Variants in AKAP6 observed in about 807,000 individuals in gnomAD.
The protein encoded by AKAP6 is A-kinase anchoring protein 6.
AKAP6 carries 58 observed loss-of-function variants against 188.5 expected under a neutral mutation model. The observed-to-expected ratio is 0.31, with a 90% CI of 0.25 to 0.38. The LOEUF (loss-of-function observed/expected upper bound fraction) is 0.38, where lower values mean the gene tolerates loss of function less well. Among genes scored for constraint, AKAP6 ranks in the 10% least tolerant of loss-of-function variants. The pLI is 1.00. For synonymous variants in AKAP6, 989 were observed against 998.6 expected, an observed-to-expected ratio of 0.99 and a Z score of 0.18; for missense variants, 2,710 against 2,740.0, an observed-to-expected ratio of 0.99 and a Z score of 0.24.
intron 11 of AKAP6, among the ~76,000 whole-genome samples, chr14:32,759,639 C>T (rs572066643): frequency 6.6e-6 from 1 of 152,264 alleles, no homozygotes; most frequent in Admixed American, 6.5e-5. Flanking sequence ...ATGGTGCTGT[C>T]ATCTGCTCAG....
intron 1 of AKAP6, among the ~76,000 whole-genome samples, chr14:32,414,561 C>T (rs1889595548): frequency 6.6e-6 from 1 of 152,138 alleles, no homozygotes; most frequent in Non-Finnish European, 1.5e-5. Context: ...CATCGGAGCT[C>T]ACCTTATGAA....
Position 32,746,520 on chromosome 14 carries a change from G to A in AKAP6, c.3372+10638G>A, listed in dbSNP as rs532781989. Reference sequence around the variant, plus strand: ...AAAATTTTGACTGCTGCCCTATCCTGCTGTGGTTGAGCTGGTATCTGAGAT... The same window carrying A: ...AAAATTTTGACTGCTGCCCTATCCTACTGTGGTTGAGCTGGTATCTGAGAT... On this transcript the variant is annotated intron_variant, in intron 11 of 13. Coordinates refer to ENST00000280979, the MANE Select transcript of AKAP6 (RefSeq NM_004274.5). Among the ~76,000 whole-genome samples, 35 of 152,232 alleles carry A rather than the reference G, an allele frequency of 2.3e-4. No homozygotes were observed. The South Asian group carries it at 2.7e-3, about 12-fold the overall frequency.
intron 1 of AKAP6, among the ~76,000 whole-genome samples, chr14:32,382,053 T>G (rs1888379943): frequency 6.6e-6 from 1 of 152,240 alleles, no homozygotes; most frequent in Admixed American, 6.5e-5. Context: ...CTCAGTAATC[T>G]TATCTGTGAA....
intron 11 of AKAP6, among the ~76,000 whole-genome samples, chr14:32,752,129 G>A (rs2032162370): frequency 1.3e-5 from 2 of 152,096 alleles, no homozygotes; most frequent in Admixed American, 1.3e-4. Flanking sequence ...TTCAGTCTGA[G>A]ACAAAAACCA....
At chr14:32,803,273 G>A (rs1199781021) in intron 12 of AKAP6, among the ~76,000 whole-genome samples, 13 of 134,804 alleles carry the variant, frequency 9.6e-5, no homozygotes, top group Middle Eastern at 7.4e-3. Context: ...GGGAAACCCC[G>A]TCTCTATAAA....
chr14:32,434,360 T>TA (rs796829177), intron 2 of AKAP6, among the ~76,000 whole-genome samples: 10 of 151,622 alleles, frequency 6.6e-5, no homozygotes, highest in Middle Eastern at 3.4e-3. Context: ...TTCAGACATT[T>TA]AAAAAAAAAG....
chr14:32,567,012 T>C (rs2139227273), intron 4 of AKAP6, among the ~76,000 whole-genome samples: 1 of 152,242 alleles, frequency 6.6e-6, no homozygotes, highest in East Asian at 1.9e-4. Context: ...AGCCTGGAAC[T>C]CCTGGGCTCA....
rs1163441201 is a variant in AKAP6 at position 32,351,525 on chromosome 14, C to T, written c.-35+22117C>T. On this transcript the variant is annotated intron_variant, in intron 1 of 13. Coordinates refer to ENST00000280979, the MANE Select transcript of AKAP6 (RefSeq NM_004274.5). ...TGTAGTGAGTCGAGATTGCACACCA[C>T]TGCACAGCCTGGATGAGACAGAGCA... Among the ~76,000 whole-genome samples, 3 of 149,740 alleles carry T rather than the reference C, an allele frequency of 2.0e-5. No individual in the cohort carries two copies. The East Asian group carries it at 5.9e-4, about 30-fold the overall frequency.
intron 2 of AKAP6, among the ~76,000 whole-genome samples, chr14:32,521,821 G>A (rs1173917558): frequency 6.6e-6 from 1 of 152,068 alleles, no homozygotes; most frequent in Admixed American, 6.6e-5. Context: ...TTTCTTCACA[G>A]AATTGGAAAA....
intron 2 of AKAP6, among the ~76,000 whole-genome samples, chr14:32,489,837 C>T (rs1879906194): frequency 6.6e-6 from 1 of 152,188 alleles, no homozygotes; most frequent in Non-Finnish European, 1.5e-5. Context: ...TTTTGTGTCT[C>T]ACGTGTCCGT....
At chr14:32,463,392 C>G (rs1891418713) in intron 2 of AKAP6, among the ~76,000 whole-genome samples, 1 of 152,166 alleles carries the variant, frequency 6.6e-6, no homozygotes, top group Non-Finnish European at 1.5e-5. Context: ...GAAATCATAA[C>G]AAACAGTCTC....
At chr14:32,705,817 C>T (rs766667510) in intron 9 of AKAP6, among the ~76,000 whole-genome samples, 1 of 152,144 alleles carries the variant, frequency 6.6e-6, no homozygotes, top group Non-Finnish European at 1.5e-5. Context: ...GCATTGTCCT[C>T]ACTCTTAGAC....
intron 12 of AKAP6, among the ~76,000 whole-genome samples, chr14:32,815,368 A>G (rs1244240417): frequency 6.6e-6 from 1 of 152,206 alleles, no homozygotes; most frequent in Non-Finnish European, 1.5e-5. Context: ...AATCTGATAG[A>G]TAGTGAGCAG....
intron 7 of AKAP6, among the ~76,000 whole-genome samples, chr14:32,648,255 A>G (rs1270146032): frequency 1.3e-5 from 2 of 152,152 alleles, no homozygotes; most frequent in African/African-American, 2.4e-5. Context: ...TAAAAATTAC[A>G]ATAAAAATAT....
chr14:32,755,685 A>G (rs2032305931), intron 11 of AKAP6, among the ~76,000 whole-genome samples: 1 of 151,964 alleles, frequency 6.6e-6, no homozygotes, highest in African/African-American at 2.4e-5. Flanking sequence ...ATACCACCAC[A>G]CCCAGCAACT....
chr14:32,666,199 A>G (rs181032177), intron 7 of AKAP6, among the ~76,000 whole-genome samples: 94 of 152,270 alleles, frequency 6.2e-4, no homozygotes, highest in Admixed American at 1.0e-3. Flanking sequence ...AATATCTATT[A>G]TAAGTTTTAA....
At chr14:32,786,298 C>G (rs1964829) in intron 12 of AKAP6, among the ~76,000 whole-genome samples, 5,471 of 81,906 alleles carry the variant, frequency 0.067, 440 homozygotes, top group African/African-American at 0.13. Context: ...AAACCTTTAT[C>G]TTTTTTTTTT....
At position 32,644,679 on chromosome 14, in the gene AKAP6, G is replaced by A. The variant is rs77100295; in HGVS notation, c.2731-33632G>A. On this transcript the variant is annotated intron_variant, in intron 7 of 13. Coordinates refer to ENST00000280979, the MANE Select transcript of AKAP6 (RefSeq NM_004274.5). ...GACCAACATTTTTTTTAATCCCTTA[G>A]CCTCTGTTTCTCTCTGCCTCTGTTT... is the stretch of plus-strand genomic sequence containing the variant. 7.9e-5 allele frequency among the ~76,000 whole-genome samples: 12 copies of A among 152,022 alleles called. No homozygotes were observed. In the East Asian group the frequency reaches 2.1e-3, roughly 27 times the overall value.
At chr14:32,570,391 C>T (rs1184302639) in intron 4 of AKAP6, among the ~76,000 whole-genome samples, 1 of 151,788 alleles carries the variant, frequency 6.6e-6, no homozygotes, top group Non-Finnish European at 1.5e-5. Flanking sequence ...ATCTGCCCAC[C>T]TCGGCCTCTC....
Sources: allele counts gnomAD v4.1 joint callset (sites outside exome capture counted in the v4.1 genomes callset), GRCh38; gene constraint gnomAD v4.1.1; transcripts MANE v1.5; gene names NCBI Gene and HGNC (gene_info 2026-07-23, HGNC 2026-07-21).